The following MAP3K20 variants were observed in gnomAD, a reference collection of about 807,000 sequenced individuals.
MAP3K20 encodes mitogen-activated protein kinase kinase kinase 20.
A neutral mutation model predicts 85.7 loss-of-function variants in MAP3K20; 40 were observed. That is an observed-to-expected ratio of 0.47 (90% CI 0.36 to 0.61). The LOEUF (loss-of-function observed/expected upper bound fraction) is 0.61. MAP3K20 is among the 20% of genes least tolerant of loss of function. MAP3K20 has a pLI of 0.00. For missense variants in MAP3K20, 817 were observed against 961.7 expected (o/e 0.85, Z 1.99); for synonymous variants, 325 against 327.7 (o/e 0.99, Z 0.09).
chr2:173,189,430 C>T (rs1337620923), intron 5 of MAP3K20, among the ~76,000 whole-genome samples: 1 of 152,116 alleles, frequency 6.6e-6, no homozygotes, highest in Non-Finnish European at 1.5e-5. Context: ...TGAAACAGTT[C>T]TTCAGAACTT....
chr2:173,086,840 G>C (rs189580123), intron 1 of MAP3K20, among the ~76,000 whole-genome samples: 3 of 152,232 alleles, frequency 2.0e-5, no homozygotes, highest in South Asian at 2.1e-4. Flanking sequence ...CCTTTGTTTT[G>C]GAAAGGATTT....
At chr2:173,260,772 T>G (rs542529185) in intron 17 of MAP3K20, among the ~76,000 whole-genome samples, 29 of 152,350 alleles carry the variant, frequency 1.9e-4, no homozygotes, top group Admixed American at 1.6e-3. Context: ...TAGCAAGAAT[T>G]AATGACCTAA....
At chr2:173,263,574 C>A (rs955126257) in intron 18 of MAP3K20, among the ~76,000 whole-genome samples, 171 bp from the exon 19 acceptor site, 1 of 152,068 alleles carries the variant, frequency 6.6e-6, no homozygotes, top group African/African-American at 2.4e-5. Context: ...CATATTTGGG[C>A]CAACTGTTCA....
Position 173,191,187 on chromosome 2 carries a change from T to C in MAP3K20, c.582+10T>C. ...ATATTCCTATGGTGTGGTGAGTTCA[T>C]TTCTCATTTCTTGTTTACTAAGGGA... On this transcript the variant is annotated intron_variant, in intron 7 of 19. Transcript: ENST00000375213. The C allele has an allele frequency of 1.2e-6, 2 of 1,610,986 alleles. No individual in the cohort carries two copies. Among genetic ancestry groups the C allele is most frequent in the African/African-American group, 2.7e-5 (2 of 74,908 alleles).
intron 2 of MAP3K20, among the ~76,000 whole-genome samples, chr2:173,102,984 T>C (rs1291996000): frequency 2.6e-5 from 4 of 151,326 alleles, no homozygotes; most frequent in African/African-American, 9.7e-5. Context: ...ACCCAGGAAT[T>C]AGAGGTTGCA....
chr2:173,242,236 C>T (rs879379857), intron 16 of MAP3K20, among the ~76,000 whole-genome samples: 8 of 150,412 alleles, frequency 5.3e-5, no homozygotes, highest in South Asian at 2.1e-4. Flanking sequence ...AGTACAATGG[C>T]GCGATCTCGG....
chr2:173,247,636 T>C (rs1220892444), intron 16 of MAP3K20, among the ~76,000 whole-genome samples: 3 of 152,208 alleles, frequency 2.0e-5, no homozygotes, highest in African/African-American at 7.2e-5. Context: ...CAGCATAGTA[T>C]CTACAATTAA....
At chr2:173,224,824 T>C in intron 11 of MAP3K20, 1 of 984,914 alleles carries the variant, frequency 1.0e-6, no homozygotes, top group South Asian at 4.7e-5. Flanking sequence ...TTAGACTCTA[T>C]TAATTTTAAA....
intron 2 of MAP3K20, among the ~76,000 whole-genome samples, chr2:173,167,593 T>A (rs979708113): frequency 1.1e-4 from 16 of 152,142 alleles, no homozygotes; most frequent in Admixed American, 1.0e-3. Context: ...CTGCAAATTT[T>A]TTTGCAAAAA....
chr2:173,200,798 G>GT (rs1232201867), intron 8 of MAP3K20, among the ~76,000 whole-genome samples: 2 of 151,914 alleles, frequency 1.3e-5, no homozygotes, highest in African/African-American at 2.4e-5. Flanking sequence ...ACTCAAAAAA[G>GT]TTTTTTTATT....
At chr2:173,084,542 C>T (rs79004915) in intron 1 of MAP3K20, among the ~76,000 whole-genome samples, 1,747 of 150,484 alleles carry the variant, frequency 0.012, 20 homozygotes, top group Middle Eastern at 0.024. Flanking sequence ...AAACCAAAAA[C>T]GGCAGTTAAA....
At chr2:173,199,323 G>T (rs1425603199) in intron 8 of MAP3K20, among the ~76,000 whole-genome samples, 1 of 152,180 alleles carries the variant, frequency 6.6e-6, no homozygotes, top group Non-Finnish European at 1.5e-5. Flanking sequence ...TGAAACTGAT[G>T]GGAAAGAGCT....
chr2:173,098,230 A>G (rs1239711779), intron 2 of MAP3K20, among the ~76,000 whole-genome samples: 3 of 152,194 alleles, frequency 2.0e-5, no homozygotes, highest in East Asian at 1.9e-4. Context: ...AGCGGTGCTC[A>G]AGAGTGGCCA....
At chr2:173,240,892 T>C (rs1684764022) in intron 16 of MAP3K20, among the ~76,000 whole-genome samples, 1 of 152,094 alleles carries the variant, frequency 6.6e-6, no homozygotes, top group East Asian at 1.9e-4. Flanking sequence ...GATGAATAGA[T>C]AAAGAAAACA....
At chr2:173,142,636 A>G (rs1437052556) in intron 2 of MAP3K20, among the ~76,000 whole-genome samples, 1 of 147,078 alleles carries the variant, frequency 6.8e-6, no homozygotes, top group Non-Finnish European at 1.5e-5. Context: ...CCACAAAAAA[A>G]CAAAACAAAA....
intron 15 of MAP3K20, among the ~76,000 whole-genome samples, chr2:173,239,178 A>G (rs1684722736): frequency 2.6e-5 from 4 of 152,236 alleles, no homozygotes; most frequent in Admixed American, 2.6e-4. Flanking sequence ...AGACAGTGAC[A>G]TTCAATTTGA....
chr2:173,207,112 T>C (rs1449677460), intron 9 of MAP3K20, among the ~76,000 whole-genome samples: 1 of 151,542 alleles, frequency 6.6e-6, no homozygotes, highest in African/African-American at 2.4e-5. Flanking sequence ...TTACAACAGG[T>C]GCTCAAAATA....
At chr2:173,173,689 A>G (rs903431648) in intron 3 of MAP3K20, among the ~76,000 whole-genome samples, 2 of 152,246 alleles carry the variant, frequency 1.3e-5, no homozygotes, top group East Asian at 3.8e-4. Flanking sequence ...ACATTTTGTT[A>G]TAACACATTT....
At chr2:173,247,346 T>C (rs943055025) in intron 16 of MAP3K20, among the ~76,000 whole-genome samples, 50 of 150,830 alleles carry the variant, frequency 3.3e-4, no homozygotes, top group African/African-American at 7.1e-4. Context: ...CTTTTTTTTT[T>C]CCCTATTGTG....
Sources: allele counts gnomAD v4.1 joint callset (sites outside exome capture counted in the v4.1 genomes callset), GRCh38; gene constraint gnomAD v4.1.1; transcripts MANE v1.5; gene names NCBI Gene and HGNC (gene_info 2026-07-23, HGNC 2026-07-21).